Variants in LY6S observed in about 807,000 individuals in gnomAD.
LY6S encodes the protein lymphocyte antigen 6 family member S.
At chr8:143,043,319 G>T in the LY6S span, 16 of 1,160,578 alleles carry the variant, frequency 1.4e-5, no homozygotes, top group Non-Finnish European at 1.8e-5. Flanking sequence ...GGGAGAGCTT[G>T]TTCTCCCCTC....
At chr8:143,069,803 C>A in the LY6S span, among the ~76,000 whole-genome samples, 1 of 152,144 alleles carries the variant, frequency 6.6e-6, no homozygotes, top group Non-Finnish European at 1.5e-5. Flanking sequence ...AATCAGACTC[C>A]GCAAGCAGAG....
the LY6S span, among the ~76,000 whole-genome samples, chr8:143,058,697 G>A: frequency 1.3e-5 from 2 of 152,226 alleles, no homozygotes; most frequent in Admixed American, 1.3e-4. Context: ...AAACTCCCCT[G>A]GGGAAAGGGA....
the LY6S span, among the ~76,000 whole-genome samples, chr8:143,054,977 G>C: frequency 5.3e-5 from 8 of 152,162 alleles, no homozygotes; most frequent in Non-Finnish European, 7.3e-5. Flanking sequence ...TGGACAAGGA[G>C]GAACGTATCT....
the LY6S span, among the ~76,000 whole-genome samples, chr8:143,047,294 C>G: frequency 6.6e-6 from 1 of 151,766 alleles, no homozygotes; most frequent in African/African-American, 2.4e-5. Context: ...CGCCTGCCAC[C>G]ACGCCCGGCT....
chr8:143,044,010 G>C, the LY6S span, among the ~76,000 whole-genome samples: 52 of 152,318 alleles, frequency 3.4e-4, 1 homozygote, highest in Middle Eastern at 6.8e-3. Context: ...TCACTGAAGG[G>C]TGTGGCCTGG....
the LY6S span, among the ~76,000 whole-genome samples, chr8:143,054,981 C>A: frequency 6.6e-6 from 1 of 152,280 alleles, no homozygotes; most frequent in Middle Eastern, 3.4e-3. Context: ...CAAGGAGGAA[C>A]GTATCTATAT....
the LY6S span, among the ~76,000 whole-genome samples, chr8:143,073,740 G>A: frequency 7.1e-6 from 1 of 140,900 alleles, no homozygotes; most frequent in South Asian, 2.3e-4. Flanking sequence ...CGTCGTCCTC[G>A]GGATTCCTGT....
chr8:143,051,060 G>A, the LY6S span, among the ~76,000 whole-genome samples: 20 of 152,290 alleles, frequency 1.3e-4, no homozygotes, highest in African/African-American at 4.6e-4. Flanking sequence ...GAAATACTGC[G>A]GCTTTTAGAG....
the LY6S span, among the ~76,000 whole-genome samples, chr8:143,074,412 C>T: frequency 2.0e-4 from 30 of 152,114 alleles, no homozygotes; most frequent in Non-Finnish European, 2.9e-4. Context: ...ATGGACCTGT[C>T]TGAAACTTCA....
At chr8:143,048,612 G>A in the LY6S span, among the ~76,000 whole-genome samples, 1 of 151,710 alleles carries the variant, frequency 6.6e-6, no homozygotes, top group South Asian at 2.1e-4. Context: ...GGACTACAGG[G>A]GTCTGCCACC....
chr8:143,057,256 A>ATT, the LY6S span: 9 of 174,090 alleles, frequency 5.2e-5, no homozygotes, highest in African/African-American at 1.3e-4. Context: ...TATTATTTTT[A>ATT]TTTTTTTTTT....
At chr8:143,047,052 G>T in the LY6S span, among the ~76,000 whole-genome samples, 2 of 151,956 alleles carry the variant, frequency 1.3e-5, no homozygotes, top group African/African-American at 2.4e-5. Flanking sequence ...GATGATAATA[G>T]TGTCTTCCCA....
the LY6S span, among the ~76,000 whole-genome samples, chr8:143,043,780 A>T: frequency 6.6e-6 from 1 of 151,900 alleles, no homozygotes; most frequent in Admixed American, 6.6e-5. Flanking sequence ...GGTTCAAGCG[A>T]TTCTCCTGCC....
chr8:143,047,435 C>T, the LY6S span, among the ~76,000 whole-genome samples: 2 of 152,124 alleles, frequency 1.3e-5, no homozygotes, highest in Non-Finnish European at 2.9e-5. Flanking sequence ...AGAGGCACGG[C>T]GCCTGGCCCA....
chr8:143,047,758 T>C, the LY6S span: 3 of 152,054 alleles, frequency 2.0e-5, no homozygotes, highest in East Asian at 5.9e-4. Context: ...ACTGCACGTG[T>C]GCACCCAGAG....
the LY6S span, among the ~76,000 whole-genome samples, chr8:143,076,470 C>G: frequency 6.6e-6 from 1 of 152,156 alleles, no homozygotes; most frequent in Non-Finnish European, 1.5e-5. Flanking sequence ...GCATGGAGCC[C>G]CCAAGGCAGG....
the LY6S span, among the ~76,000 whole-genome samples, chr8:143,063,148 A>G: frequency 1.3e-5 from 2 of 152,192 alleles, no homozygotes; most frequent in Non-Finnish European, 2.9e-5. Flanking sequence ...TATGTTTAAT[A>G]GTTGGCTTTC....
chr8:143,073,948 TCCC>T, the LY6S span, among the ~76,000 whole-genome samples: 12 of 123,528 alleles, frequency 9.7e-5, 1 homozygote, highest in Admixed American at 9.6e-4. Context: ...GTCCCCGGGG[TCCC>T]TGTTTGAGGA....
chr8:143,060,859 A>C, the LY6S span, among the ~76,000 whole-genome samples: 1 of 152,184 alleles, frequency 6.6e-6, no homozygotes, highest in African/African-American at 2.4e-5. Context: ...TCAAAGATGC[A>C]TATTGTAATG....
Sources: allele counts gnomAD v4.1 joint callset (sites outside exome capture counted in the v4.1 genomes callset), GRCh38; gene constraint gnomAD v4.1.1; transcripts MANE v1.5; gene names NCBI Gene and HGNC (gene_info 2026-07-23, HGNC 2026-07-21).